The following SEC24C variants were observed in gnomAD, a reference collection of about 807,000 sequenced individuals.
SEC24C encodes SEC24 homolog C, COPII component.
Under a neutral mutation model 117.0 loss-of-function variants are expected in SEC24C, and 22 were observed. That is an observed-to-expected ratio of 0.19 (90% CI 0.13 to 0.27). The LOEUF is 0.27. Ranked by LOEUF, SEC24C falls within the 10% of genes least tolerant of loss-of-function variation. The pLI is 1.00. For synonymous variants in SEC24C, 506 were observed against 529.4 expected (o/e 0.96, Z 0.61); for missense variants, 1,155 against 1,375.1 (o/e 0.84, Z 2.53).
Position 73,771,681 on chromosome 10 carries a change from G to A in SEC24C, c.*586G>A, listed in dbSNP as rs2082985583. On this transcript the variant is annotated 3_prime_UTR_variant, in exon 23 of 23. Coordinates refer to ENST00000345254, the MANE Select transcript of SEC24C (RefSeq NM_198597.3). ...ATGATTGATGATCACTCCGTGGATA[G>A]AGAGGCACACTGTCAGAGGTGACCG... 6.5e-6 allele frequency: 1 copy of A among 153,554 alleles called. No individual in the cohort carries two copies. 9.5% of individuals were successfully genotyped at this position (153,554 alleles called of 1,614,324 possible).
chr10:73,751,232 T>A lies in SEC24C; in HGVS notation c.297T>A (p.Val99=). Residue 99 remains valine (V), a synonymous_variant, in exon 3 of 23, where the codon GTT becomes GTA. Transcript: ENST00000345254. ...GDVQNGPSST[V]QMQRLPGSQP... is the part of the protein sequence containing the mutation. ...TACAGAATGGGCCAAGCTCCACTGT[T>A]CAGATGCAAAGGTAGGTACTTGGTC... The A allele has an allele frequency of 6.2e-7, 1 of 1,613,884 alleles. No individual in the cohort carries two copies. Among genetic ancestry groups the A allele is most frequent in the Middle Eastern group, 1.7e-4 (1 of 6,060 alleles).
At chr10:73,765,252 G>C (rs761359135) in intron 8 of SEC24C, among the ~76,000 whole-genome samples, 199 bp from the exon 9 acceptor site, 4 of 152,196 alleles carry the variant, frequency 2.6e-5, no homozygotes, top group Non-Finnish European at 4.4e-5. Flanking sequence ...TGTAGGAAGA[G>C]GGAACTATAT....
Position 73,763,479 on chromosome 10 carries a change from C to T in SEC24C, c.988-11C>T. ...TTCTTCTGTCACCTCATTCATTGCA[C>T]TTCTCTGCAGATTCAGGTCATTGAA... On this transcript the variant is annotated splice_polypyrimidine_tract_variant and intron_variant, in intron 6 of 22. Transcript: ENST00000345254. 1 of 1,570,306 alleles carries T rather than the reference C, an allele frequency of 6.4e-7. No homozygotes were observed. Among genetic ancestry groups the T allele is most frequent in the Non-Finnish European group, 8.8e-7 (1 of 1,141,150 alleles).
At chr10:73,748,191 A>G (rs1002149902) in intron 2 of SEC24C, among the ~76,000 whole-genome samples, 1 of 152,084 alleles carries the variant, frequency 6.6e-6, no homozygotes, top group Non-Finnish European at 1.5e-5. Context: ...GCTGGAGTGC[A>G]GTGGCACAAT....
rs2082929701 is a variant in SEC24C, at chr10:73,769,009, A to G, written c.2281A>G (p.Ile761Val). The change falls in exon 17 of 23, where the codon ATC (isoleucine) becomes GTC (valine). Residue 761 changes from isoleucine (I) to valine (V), a missense_variant and splice_region_variant. By Grantham distance (29) the Ile-to-Val change is conservative (BLOSUM62 3). Coordinates refer to ENST00000345254, the MANE Select transcript of SEC24C (RefSeq NM_198597.3). This position sits in a 1 kb window ranked among gnomAD's most constrained non-coding sequence, Gnocchi z 4.5. ...AVMRVRTSTG[I>V]RAVDFFGAFY... ...TGACCCTGTCCATGTGGCCTCAGGTATCCGTGCTGTAGATTTCTTTGGAGC... is the reference window on the plus strand; with the variant it reads ...TGACCCTGTCCATGTGGCCTCAGGTGTCCGTGCTGTAGATTTCTTTGGAGC... 3 of 1,614,118 alleles carry G rather than the reference A, an allele frequency of 1.9e-6. No individual in the cohort carries two copies. Among genetic ancestry groups the G allele is most frequent in the African/African-American group, 2.7e-5 (2 of 74,932 alleles).
rs769582956 is a variant in SEC24C at position 73,759,763 on chromosome 10, C to A, written c.450C>A (p.Ala150=). The change falls in exon 4 of 23, where the codon GCC becomes GCA. Residue 150 remains alanine, a synonymous_variant. Coordinates refer to ENST00000345254, the MANE Select transcript of SEC24C (RefSeq NM_198597.3). ...LSGMQISGAV[A]PAPPSSGLGF... ...GAATGCAGATCAGCGGTGCTGTGGC[C>A]CCAGCCCCTCCTTCTTCAGGGCTGG... The A allele has an allele frequency of 1.3e-6, 2 of 1,598,966 alleles. No individual in the cohort carries two copies. Among genetic ancestry groups the A allele is most frequent in the South Asian group, 1.1e-5 (1 of 89,064 alleles).
At chr10:73,746,362 A>G (rs1451360880) in intron 1 of SEC24C, among the ~76,000 whole-genome samples, 1 of 152,208 alleles carries the variant, frequency 6.6e-6, no homozygotes, top group South Asian at 2.1e-4. Context: ...TTTTAAATCA[A>G]TTGTTCAGCA....
intron 8 of SEC24C, 59 bp from the exon 9 acceptor site, chr10:73,765,389 TCTC>T: frequency 1.9e-6 from 3 of 1,576,346 alleles, no homozygotes; most frequent in Non-Finnish European, 2.6e-6. Context: ...TTCTTCCTCA[TCTC>T]CTGGCTGAAC....
chr10:73,759,738 G>A lies in SEC24C; in HGVS notation c.425G>A (p.Gly142Glu), dbSNP rs149152417. ...TSAQVATQLS[G>E]MQISGAVAPA... ...GCACAGGTGGCTACGCAGCTGTCTG[G>A]AATGCAGATCAGCGGTGCTGTGGCC... Residue 142 changes from glycine to glutamate, a missense_variant, in exon 4 of 23, where the codon GGA (glycine) becomes GAA (glutamate). Transcript: ENST00000345254. The A allele has an allele frequency of 7.5e-6, 12 of 1,609,972 alleles. No individual in the cohort carries two copies. The African/African-American group carries it at 1.3e-4, about 18-fold the overall frequency.
Position 73,769,177 on chromosome 10 carries a change from G to A in SEC24C, c.2424+25G>A, listed in dbSNP as rs763687689. On this transcript the variant is annotated intron_variant, in intron 17 of 22. Coordinates refer to ENST00000345254, the MANE Select transcript of SEC24C (RefSeq NM_198597.3). This position sits in a 1 kb window ranked among gnomAD's most constrained non-coding sequence, Gnocchi z 4.5. ...GGTGGCAGGCGGGAGGCGGGGCTGG[G>A]CAGGAAGTGTTTCATTCGCTTGGTA... 5.0e-6 allele frequency: 8 copies of A among 1,612,584 alleles called. No homozygotes were observed. Among genetic ancestry groups the A allele is most frequent in the Non-Finnish European group, 6.8e-6 (8 of 1,179,316 alleles).
intron 6 of SEC24C, chr10:73,762,037 CTT>C: frequency 8.6e-7 from 1 of 1,162,654 alleles, no homozygotes; most frequent in Non-Finnish European, 1.1e-6. Flanking sequence ...ACATCTGCCT[CTT>C]GTTCTTTTGT....
Position 73,765,789 on chromosome 10 carries a change from G to A in SEC24C, c.1367-11G>A, listed in dbSNP as rs1445381710. On this transcript the variant is annotated splice_polypyrimidine_tract_variant and intron_variant, in intron 9 of 22. Coordinates refer to ENST00000345254, the MANE Select transcript of SEC24C (RefSeq NM_198597.3). ...GGATCTTCGAGTAACACACTGCCATGCTTCCCACAGTTCCCCCCCAGTATT... is the reference window on the plus strand; with the variant it reads ...GGATCTTCGAGTAACACACTGCCATACTTCCCACAGTTCCCCCCCAGTATT... 2 of 1,610,328 alleles carry A rather than the reference G, an allele frequency of 1.2e-6. No homozygotes were observed. Among genetic ancestry groups the A allele is most frequent in the Non-Finnish European group, 1.7e-6 (2 of 1,176,536 alleles).
chr10:73,770,226 G>C, intron 20 of SEC24C, 54 bp from the exon 21 acceptor site: 1 of 1,517,302 alleles, frequency 6.6e-7, no homozygotes, highest in East Asian at 2.3e-5. Flanking sequence ...GGTGCGGGGG[G>C]GCAGACTTGT....
chr10:73,757,684 C>T (rs1359808296), intron 3 of SEC24C, among the ~76,000 whole-genome samples: 1 of 63,354 alleles, frequency 1.6e-5, no homozygotes, highest in Non-Finnish European at 4.4e-5. Flanking sequence ...AATCCCAGCA[C>T]TTTGTGAAGC....
At chr10:73,759,835 C>G (rs747799260) in intron 4 of SEC24C, 41 bp downstream of exon 4, 1 of 1,515,160 alleles carries the variant, frequency 6.6e-7, no homozygotes, top group Non-Finnish European at 8.8e-7. Flanking sequence ...GTCCCCTGTT[C>G]AGAGGCATCA....
rs2082879750 is a variant in SEC24C, at chr10:73,766,136, C to G, written c.1533C>G (p.Ser511=). ...PPAFIFMIDV[S]YNAIRTGLVR... ...CCTTTATCTTCATGATTGACGTCTC[C>G]TACAATGCCATCAGGACTGGTCTTG... Residue 511 remains serine, a synonymous_variant, in exon 11 of 23, where the codon TCC becomes TCG. Coordinates refer to ENST00000345254, the MANE Select transcript of SEC24C (RefSeq NM_198597.3). 1 of 1,613,856 alleles carries G rather than the reference C, an allele frequency of 6.2e-7. No individual in the cohort carries two copies. Among genetic ancestry groups the G allele is most frequent in the Non-Finnish European group, 8.5e-7 (1 of 1,179,972 alleles).
In SEC24C at chr10:73,770,951, G is replaced by T; in HGVS notation, c.3145-4G>T. On this transcript the variant is annotated splice_polypyrimidine_tract_variant and splice_region_variant and intron_variant, in intron 22 of 22. Transcript: ENST00000345254. ...GCCTTATGAACCCTGAATTCTGGCC[G>T]TAGCTTACCGTGGTGAAACAGGAAG... is the stretch of plus-strand genomic sequence containing the variant. 1 of 1,614,162 alleles carries T rather than the reference G, an allele frequency of 6.2e-7. No homozygotes were observed. Among genetic ancestry groups the T allele is most frequent in the Non-Finnish European group, 8.5e-7 (1 of 1,180,012 alleles).
intron 1 of SEC24C, among the ~76,000 whole-genome samples, chr10:73,745,257 C>G: frequency 6.6e-6 from 1 of 152,048 alleles, no homozygotes; most frequent in East Asian, 1.9e-4. Flanking sequence ...TTAGAAAAGG[C>G]CCTCTAATTC....
rs749457980 is a variant in SEC24C, at chr10:73,765,805, C to T, written c.1372C>T (p.Pro458Ser). ...CACTGCCATGCTTCCCACAGTTCCC[C>T]CCCAGTATTTTCAGCACCTGGATCA... Reference protein sequence around the residue: ...CFCSCINDVPPQYFQHLDHTG... With the variant: ...CFCSCINDVPSQYFQHLDHTG... Residue 458 changes from proline to serine, a missense_variant, in exon 10 of 23, where the codon CCC becomes TCC. Pro to Ser is a moderately conservative substitution (Grantham distance 74). Transcript: ENST00000345254. The T allele has an allele frequency of 6.2e-7, 1 of 1,613,562 alleles. No individual in the cohort carries two copies. Among genetic ancestry groups the T allele is most frequent in the African/African-American group, 1.3e-5 (1 of 74,986 alleles).
Sources: allele counts gnomAD v4.1 joint callset (sites outside exome capture counted in the v4.1 genomes callset), GRCh38; gene constraint gnomAD v4.1.1; non-coding constraint Gnocchi (gnomAD v3.1); transcripts MANE v1.5; gene names NCBI Gene and HGNC (gene_info 2026-07-23, HGNC 2026-07-21).